The following B3GALT1 variants were observed in gnomAD, a reference collection of about 807,000 sequenced individuals.
B3GALT1 encodes the protein beta-1,3-galactosyltransferase 1, also known as UDP-Gal:betaGlcNAc beta 1,3-galactosyltransferase, polypeptide 1.
In B3GALT1, 10 loss-of-function variants were observed where a neutral mutation model predicts 23.2. The ratio of observed to expected loss-of-function variants is 0.43; its 90% CI spans 0.27 to 0.73. The LOEUF (loss-of-function observed/expected upper bound fraction) is 0.73, where lower values mean the gene tolerates loss of function less well. B3GALT1 is among the 30% of genes least tolerant of loss of function. The pLI, the probability that B3GALT1 is intolerant of heterozygous loss-of-function variation, is 0.21. For synonymous variants in B3GALT1, 156 were observed against 141.5 expected (o/e 1.10, Z -0.73); for missense variants, 299 against 405.4 (o/e 0.74, Z 2.25).
intron 3 of B3GALT1, among the ~76,000 whole-genome samples, chr2:167,666,758 G>A (rs536153198): frequency 6.6e-6 from 1 of 152,108 alleles, no homozygotes; most frequent in African/African-American, 2.4e-5. Context: ...TTTTATCAGA[G>A]ACTAGGTTTG....
At chr2:167,428,025 AGAAT>A (rs1388688406) in intron 1 of B3GALT1, among the ~76,000 whole-genome samples, 1 of 152,222 alleles carries the variant, frequency 6.6e-6, no homozygotes, top group African/African-American at 2.4e-5. Flanking sequence ...GCTACCTGCT[AGAAT>A]GAATGAAAGG....
chr2:167,457,254 CTTCCGCCTCCCAGG>C (rs1699186207), intron 1 of B3GALT1, among the ~76,000 whole-genome samples: 2 of 152,136 alleles, frequency 1.3e-5, no homozygotes, highest in Admixed American at 6.5e-5. Context: ...CTCACTGCAG[CTTCCGCCTCCCAGG>C]TTCAAACGAT....
chr2:167,613,903 TG>T (rs1275562210), intron 2 of B3GALT1, among the ~76,000 whole-genome samples: 1 of 151,798 alleles, frequency 6.6e-6, no homozygotes, highest in African/African-American at 2.4e-5. Context: ...CAACTAAGAC[TG>T]AAGGTTTTTT....
chr2:167,624,811 A>G (rs1047439130), intron 2 of B3GALT1, among the ~76,000 whole-genome samples: 1 of 152,054 alleles, frequency 6.6e-6, no homozygotes, highest in East Asian at 1.9e-4. Flanking sequence ...GCATCAAACC[A>G]TATGAAGAAT....
chr2:167,326,393 T>A (rs571942123), intron 1 of B3GALT1, among the ~76,000 whole-genome samples: 1 of 152,022 alleles, frequency 6.6e-6, no homozygotes, highest in Non-Finnish European at 1.5e-5. Flanking sequence ...GGTTTTCTCT[T>A]TACTCTGTTG....
At chr2:167,648,594 A>G (rs536339737) in intron 3 of B3GALT1, among the ~76,000 whole-genome samples, 1 of 152,272 alleles carries the variant, frequency 6.6e-6, no homozygotes, top group South Asian at 2.1e-4. Flanking sequence ...ATTAAGTACA[A>G]TTTAACACCA....
intron 1 of B3GALT1, among the ~76,000 whole-genome samples, chr2:167,380,598 CA>C (rs1697835189): frequency 6.6e-6 from 1 of 152,150 alleles, no homozygotes; most frequent in Non-Finnish European, 1.5e-5. Context: ...ACTTTGTATG[CA>C]CCCAGATTAA....
intron 3 of B3GALT1, chr2:167,715,984 C>G: frequency 6.2e-7 from 1 of 1,612,348 alleles, no homozygotes; most frequent in Non-Finnish European, 8.5e-7. Flanking sequence ...CTCATACTCT[C>G]AGGTAGTGCT....
intron 1 of B3GALT1, among the ~76,000 whole-genome samples, chr2:167,446,550 G>C (rs1307916289): frequency 1.3e-5 from 2 of 152,082 alleles, no homozygotes; most frequent in African/African-American, 4.8e-5. Context: ...TTTCTTGGAG[G>C]CTTTGTTCGT....
chr2:167,718,637 T>C (rs1351739108), intron 3 of B3GALT1, among the ~76,000 whole-genome samples: 5 of 152,196 alleles, frequency 3.3e-5, no homozygotes, highest in Admixed American at 3.3e-4. Flanking sequence ...CACAAGGCCT[T>C]CAAAATTGAA....
chr2:167,809,673 A>G (rs13408193), intron 3 of B3GALT1, among the ~76,000 whole-genome samples: 63,442 of 151,988 alleles, frequency 0.42, 15,401 homozygotes, highest in East Asian at 0.67. Flanking sequence ...ACCCAGCCGT[A>G]TGAGGTGTCA....
At chr2:167,580,578 TCCCTGAAGAAA>T (rs1684465637) in intron 2 of B3GALT1, among the ~76,000 whole-genome samples, 1 of 152,116 alleles carries the variant, frequency 6.6e-6, no homozygotes, top group African/African-American at 2.4e-5. Context: ...CTACCCAGCC[TCCCTGAAGAAA>T]TGCAGACCAC....
At chr2:167,598,379 G>A (rs1423884549) in intron 2 of B3GALT1, among the ~76,000 whole-genome samples, 1 of 152,016 alleles carries the variant, frequency 6.6e-6, no homozygotes, top group Non-Finnish European at 1.5e-5. Context: ...AAGTTTTTAA[G>A]ATAAACTATT....
intron 2 of B3GALT1, among the ~76,000 whole-genome samples, chr2:167,616,287 A>C (rs1376158797): frequency 6.6e-6 from 1 of 152,104 alleles, no homozygotes; most frequent in Non-Finnish European, 1.5e-5. Flanking sequence ...GCAATTTTGC[A>C]AACTGTATAA....
intron 3 of B3GALT1, among the ~76,000 whole-genome samples, chr2:167,679,177 C>T (rs374916679): frequency 1.3e-5 from 2 of 151,168 alleles, no homozygotes; most frequent in African/African-American, 2.4e-5. Context: ...AGTGCAATGG[C>T]GCAAAATCTC....
intron 2 of B3GALT1, among the ~76,000 whole-genome samples, chr2:167,581,267 T>C (rs1684479278): frequency 6.6e-6 from 1 of 152,206 alleles, no homozygotes; most frequent in South Asian, 2.1e-4. Context: ...ACTTTGTAAA[T>C]AGGCAATTTC....
At chr2:167,376,862 T>G (rs1415228018) in intron 1 of B3GALT1, among the ~76,000 whole-genome samples, 1 of 152,144 alleles carries the variant, frequency 6.6e-6, no homozygotes, top group African/African-American at 2.4e-5. Flanking sequence ...CTGATTTTAG[T>G]TATTTCTTTT....
intron 2 of B3GALT1, among the ~76,000 whole-genome samples, chr2:167,589,060 G>T (rs1344894431): frequency 6.6e-6 from 1 of 151,946 alleles, no homozygotes; most frequent in Non-Finnish European, 1.5e-5. Context: ...TCCCAACTTA[G>T]CTTCCCAAAT....
At chr2:167,567,903 C>A (rs187579611) in intron 2 of B3GALT1, among the ~76,000 whole-genome samples, 57 of 152,218 alleles carry the variant, frequency 3.7e-4, no homozygotes, top group South Asian at 1.9e-3. Context: ...CCTCACTCCC[C>A]CTTAGCCCCA....
Sources: allele counts gnomAD v4.1 joint callset (sites outside exome capture counted in the v4.1 genomes callset), GRCh38; gene constraint gnomAD v4.1.1; transcripts MANE v1.5; gene names NCBI Gene and HGNC (gene_info 2026-07-23, HGNC 2026-07-21).